The following NR5A2 variants were observed in gnomAD, a reference collection of about 807,000 sequenced individuals.
NR5A2 encodes the protein nuclear receptor subfamily 5 group A member 2.
Under a neutral mutation model 62.7 loss-of-function variants are expected in NR5A2, and 26 were observed. That is an observed-to-expected ratio of 0.41 (90% CI 0.30 to 0.58). The LOEUF (loss-of-function observed/expected upper bound fraction) is 0.58, where lower values mean the gene tolerates loss of function less well. Among genes scored for constraint, NR5A2 ranks in the 20% least tolerant of loss-of-function variants. The pLI is 0.22. For missense variants in NR5A2, 541 were observed against 669.1 expected (o/e 0.81, Z 2.11); for synonymous variants, 246 against 241.7 (o/e 1.02, Z -0.16).
In NR5A2 at chr1:200,148,159, A is replaced by G. The variant is rs568501292; in HGVS notation, c.1379-25804A>G. On this transcript the variant is annotated intron_variant, in intron 7 of 7. Coordinates refer to ENST00000367362, the MANE Select transcript of NR5A2 (RefSeq NM_205860.3). Reference sequence around the variant, plus strand: ...ACGCTGGAGGAGGTGTCCAAGAGGAAGACCAGATTGTAGTGGACGCTTCTG... The same window carrying G: ...ACGCTGGAGGAGGTGTCCAAGAGGAGGACCAGATTGTAGTGGACGCTTCTG... 210 of 370,804 alleles carry G rather than the reference A, an allele frequency of 5.7e-4. 2 individuals carry two copies. The highest frequency in any genetic ancestry group is 2.2e-4 in the Non-Finnish European group (52 of 231,156). 23.0% of individuals were successfully genotyped at this position (370,804 alleles called of 1,614,324 possible). A position where few individuals can be genotyped will look rare whatever the true frequency, so the allele number is the denominator to read the frequency against.
At chr1:200,064,169 A>G (rs1663366768) in intron 5 of NR5A2, among the ~76,000 whole-genome samples, 1 of 151,808 alleles carries the variant, frequency 6.6e-6, no homozygotes, top group Non-Finnish European at 1.5e-5. Flanking sequence ...AAAAAGGACG[A>G]GAGCCGTCTT....
intron 7 of NR5A2, among the ~76,000 whole-genome samples, chr1:200,164,091 C>T (rs1049873018): frequency 6.6e-6 from 1 of 152,132 alleles, no homozygotes; most frequent in Non-Finnish European, 1.5e-5. Context: ...TACTCTCTCT[C>T]TCTGGCTCCT....
Position 200,143,424 on chromosome 1 carries a change from G to T in NR5A2, c.1378+22469G>T, listed in dbSNP as rs12401305. On this transcript the variant is annotated intron_variant, in intron 7 of 7. Transcript: ENST00000367362. ...TGGGCAGTAAATTAGGATTAGTTTTGTTTTTTTTTTCCCCCTTCTTTCATT... is the reference window on the plus strand; with the variant it reads ...TGGGCAGTAAATTAGGATTAGTTTTTTTTTTTTTTTCCCCCTTCTTTCATT... Among the ~76,000 whole-genome samples the T allele has an allele frequency of 1.8e-3, 261 of 148,048 alleles. 7 individuals are homozygous for T. The highest frequency in any genetic ancestry group is 0.015 in the Admixed American group (223 of 14,848).
chr1:200,079,583 G>A (rs959722661), intron 5 of NR5A2, among the ~76,000 whole-genome samples: 2 of 152,226 alleles, frequency 1.3e-5, no homozygotes, highest in African/African-American at 4.8e-5. Flanking sequence ...TTCATTTGAG[G>A]AGAGACATTC....
chr1:200,098,657 C>A (rs899910716), intron 5 of NR5A2, among the ~76,000 whole-genome samples: 1 of 151,946 alleles, frequency 6.6e-6, no homozygotes, highest in African/African-American at 2.4e-5. Context: ...TGTAGTTGAA[C>A]GAAATGTAGC....
At chr1:200,079,454 TGAA>T (rs1231940541) in intron 5 of NR5A2, among the ~76,000 whole-genome samples, 1 of 152,232 alleles carries the variant, frequency 6.6e-6, no homozygotes, top group Non-Finnish European at 1.5e-5. Context: ...GGTCTCATCC[TGAA>T]GGACAAGGGG....
intron 5 of NR5A2, among the ~76,000 whole-genome samples, chr1:200,079,140 G>C (rs558179963): frequency 6.6e-6 from 1 of 152,228 alleles, no homozygotes; most frequent in African/African-American, 2.4e-5. Flanking sequence ...TGTTTCACCA[G>C]AACAAATGTT....
At chr1:200,155,794 C>A (rs566223842) in intron 7 of NR5A2, among the ~76,000 whole-genome samples, 1 of 152,234 alleles carries the variant, frequency 6.6e-6, no homozygotes, top group East Asian at 1.9e-4. Flanking sequence ...CTGCCTCAGC[C>A]TCCCAAGTAG....
At chr1:200,154,189 C>T (rs1317684889) in intron 7 of NR5A2, among the ~76,000 whole-genome samples, 1 of 152,134 alleles carries the variant, frequency 6.6e-6, no homozygotes, top group Non-Finnish European at 1.5e-5. Context: ...AATATATGTA[C>T]CTTTCAGGGT....
chr1:200,036,668 C>T (rs1182588704), intron 1 of NR5A2, among the ~76,000 whole-genome samples: 1 of 152,166 alleles, frequency 6.6e-6, no homozygotes, highest in Non-Finnish European at 1.5e-5. Flanking sequence ...TCTTGACATC[C>T]TTCCAGGGGA....
At chr1:200,061,144 TAA>T (rs1386388446) in intron 5 of NR5A2, among the ~76,000 whole-genome samples, 1 of 145,824 alleles carries the variant, frequency 6.9e-6, no homozygotes, top group South Asian at 2.2e-4. Context: ...AAAAAAAAAT[TAA>T]GTCTGAAGTA....
In NR5A2 at chr1:200,153,783, G is replaced by GGA. The variant is rs150744854; in HGVS notation, c.1379-20178_1379-20177dup. Among the ~76,000 whole-genome samples the GGA allele has an allele frequency of 5.7e-3, 872 of 152,110 alleles. 7 individuals are homozygous for GGA. Among genetic ancestry groups the GGA allele is most frequent in the African/African-American group, 0.02 (814 of 41,478 alleles). On this transcript the variant is annotated intron_variant, in intron 7 of 7. Coordinates refer to ENST00000367362, the MANE Select transcript of NR5A2 (RefSeq NM_205860.3). Reference sequence around the variant, plus strand: ...TTTAGGTAAGAAAAAATAAAAGGAAGGAGGAAAGGTATGGAGGGGGAGATA... The same window carrying GGA: ...TTTAGGTAAGAAAAAATAAAAGGAAGGAGAGGAAAGGTATGGAGGGGGAGATA...
At chr1:200,158,282 T>C (rs748529098) in intron 7 of NR5A2, among the ~76,000 whole-genome samples, 6 of 152,228 alleles carry the variant, frequency 3.9e-5, no homozygotes, top group Non-Finnish European at 8.8e-5. Context: ...CCAATTAATC[T>C]ATTTTGTGTG....
At chr1:200,116,908 C>T (rs1666246162) in intron 6 of NR5A2, among the ~76,000 whole-genome samples, 1 of 152,170 alleles carries the variant, frequency 6.6e-6, no homozygotes, top group Non-Finnish European at 1.5e-5. Flanking sequence ...TGCTAATTAA[C>T]AGCCACTGTA....
At chr1:200,098,113 G>A (rs1000650743) in intron 5 of NR5A2, among the ~76,000 whole-genome samples, 3 of 152,098 alleles carry the variant, frequency 2.0e-5, no homozygotes, top group Non-Finnish European at 4.4e-5. Context: ...TAGTGGGAGT[G>A]GGTGCCCATA....
chr1:200,117,362 A>T (rs1666271063), intron 6 of NR5A2, among the ~76,000 whole-genome samples: 1 of 152,234 alleles, frequency 6.6e-6, no homozygotes, highest in South Asian at 2.1e-4. Context: ...TATCCTTGAA[A>T]GAAATGTTTT....
intron 7 of NR5A2, among the ~76,000 whole-genome samples, chr1:200,167,762 CCTCT>C (rs2102390609): frequency 6.6e-6 from 1 of 152,282 alleles, no homozygotes; most frequent in African/African-American, 2.4e-5. Flanking sequence ...GTACCAAAGA[CCTCT>C]CTGTTCTTTC....
intron 7 of NR5A2, chr1:200,148,201 C>T: frequency 3.8e-6 from 1 of 264,588 alleles, no homozygotes; most frequent in Non-Finnish European, 7.2e-6. Flanking sequence ...GTCCGTTGGG[C>T]CTATCAGCCG....
chr1:200,113,168 T>C (rs1423108038), intron 6 of NR5A2, among the ~76,000 whole-genome samples: 1 of 152,194 alleles, frequency 6.6e-6, no homozygotes, highest in Non-Finnish European at 1.5e-5. Context: ...AACTCCATGG[T>C]GGAGAAATAG....
Sources: allele counts gnomAD v4.1 joint callset (sites outside exome capture counted in the v4.1 genomes callset), GRCh38; gene constraint gnomAD v4.1.1; transcripts MANE v1.5; gene names NCBI Gene and HGNC (gene_info 2026-07-23, HGNC 2026-07-21).